Variants in ELK4 observed in about 807,000 individuals in gnomAD.
The protein encoded by ELK4 is ETS transcription factor ELK4.
Under a neutral mutation model 29.6 loss-of-function variants are expected in ELK4, and 16 were observed. The ratio of observed to expected loss-of-function variants is 0.54; its 90% CI spans 0.37 to 0.82. The LOEUF (loss-of-function observed/expected upper bound fraction) is 0.82, where lower values mean the gene tolerates loss of function less well. ELK4 is among the 40% of genes least tolerant of loss of function. ELK4 has a pLI of 0.00. For missense variants in ELK4, 465 were observed against 507.1 expected (o/e 0.92, Z 0.80); for synonymous variants, 213 against 191.1 (o/e 1.11, Z -0.95).
rs1225210977 is a variant in ELK4, at chr1:205,631,658, G to A, written c.-36C>T. The A allele has an allele frequency of 5.9e-6, 2 of 337,606 alleles. No homozygotes were observed. Among genetic ancestry groups the A allele is most frequent in the South Asian group, 2.0e-5 (1 of 50,210 alleles). The allele number at this position is 337,606 out of a possible 1,614,324, so 20.9% of individuals were successfully genotyped here. ...GACGCCGCGCGCGGGGCTCCCCCTC[G>A]GTCTCCGCCTCGAACACGATGCGCC... On this transcript the variant is annotated 5_prime_UTR_variant, in exon 1 of 5. Coordinates refer to ENST00000357992, the MANE Select transcript of ELK4 (RefSeq NM_001973.4).
chr1:205,614,119 G>GA lies in ELK4; in HGVS notation c.*2426dup, dbSNP rs1275459404. The GA allele has an allele frequency of 4.5e-6, 1 of 222,916 alleles. No homozygotes were observed. Among genetic ancestry groups the GA allele is most frequent in the Non-Finnish European group, 9.0e-6 (1 of 111,598 alleles). 13.8% of individuals were successfully genotyped at this position (222,916 alleles called of 1,614,324 possible). The stretch of plus-strand genomic sequence containing the variant: ...AAGAGATAGCAGATCACCAATCTGT[G>GA]ACAGCCTCACACCTCTGAGAGGCTA... On this transcript the variant is annotated 3_prime_UTR_variant, in exon 5 of 5. Transcript: ENST00000357992.
intron 1 of ELK4, among the ~76,000 whole-genome samples, chr1:205,626,809 A>C (rs1039616412): frequency 6.6e-6 from 1 of 152,354 alleles, no homozygotes; most frequent in South Asian, 2.1e-4. Flanking sequence ...GTATATACCC[A>C]AAAGAAATGA....
chr1:205,628,863 G>T (rs1164113324), intron 1 of ELK4, among the ~76,000 whole-genome samples: 1 of 111,518 alleles, frequency 9.0e-6, no homozygotes, highest in Admixed American at 1.1e-4. Context: ...ATAGAAGGTT[G>T]AGGACAGTAA....
chr1:205,631,442 T>TGCGGCGTCCACCTGTGCGCC (rs1258244548), intron 1 of ELK4, among the ~76,000 whole-genome samples, 190 bp downstream of exon 1: 6 of 151,112 alleles, frequency 4.0e-5, no homozygotes, highest in East Asian at 2.0e-4. Flanking sequence ...AGCGGTGCGC[T>TGCGGCGTCCACCTGTGCGCC]GCGGCGTCCA....
intron 4 of ELK4, among the ~76,000 whole-genome samples, chr1:205,618,737 C>T (rs1438796115): frequency 6.6e-6 from 1 of 152,122 alleles, no homozygotes; most frequent in Non-Finnish European, 1.5e-5. Context: ...GCAGGAGAAT[C>T]GCTTGAACCT....
chr1:205,616,272 A>G lies in ELK4; in HGVS notation c.*274T>C. On this transcript the variant is annotated 3_prime_UTR_variant, in exon 5 of 5. Coordinates refer to ENST00000357992, the MANE Select transcript of ELK4 (RefSeq NM_001973.4). ...TCAGCACAAAGCTCAAAATATTTTTAAAGGAGAAAAGAAAAGGAAGGAAGG... is the reference window on the plus strand; with the variant it reads ...TCAGCACAAAGCTCAAAATATTTTTGAAGGAGAAAAGAAAAGGAAGGAAGG... The G allele has an allele frequency of 3.0e-6, 1 of 337,274 alleles. No individual in the cohort carries two copies. 20.9% of individuals were successfully genotyped at this position (337,274 alleles called of 1,614,324 possible). A position where few individuals can be genotyped will look rare whatever the true frequency, so the allele number is the denominator to read the frequency against.
intron 1 of ELK4, among the ~76,000 whole-genome samples, chr1:205,631,206 G>A (rs1670577548): frequency 6.6e-6 from 1 of 152,220 alleles, no homozygotes; most frequent in East Asian, 1.9e-4. Context: ...CTAGGGGAGA[G>A]GAAGAAACGC....
chr1:205,617,221 C>CT (rs1051141702), intron 4 of ELK4, among the ~76,000 whole-genome samples: 1 of 152,024 alleles, frequency 6.6e-6, no homozygotes, highest in Non-Finnish European at 1.5e-5. Context: ...AAATTCTCAA[C>CT]TTTTTTTTCT....
In ELK4 at chr1:205,610,406, G is replaced by C. The variant is rs900013085; in HGVS notation, c.*6140C>G. 1 of 230,526 alleles carries C rather than the reference G, an allele frequency of 4.3e-6. No individual in the cohort carries two copies. The allele number at this position is 230,526 out of a possible 1,614,324, so 14.3% of individuals were successfully genotyped here. On this transcript the variant is annotated 3_prime_UTR_variant, in exon 5 of 5. Transcript: ENST00000357992. ...CCACTACTGTATTCAATCCATGGTCGAATCTCTGTACTTTAGAAATACTGC... is the reference window on the plus strand; with the variant it reads ...CCACTACTGTATTCAATCCATGGTCCAATCTCTGTACTTTAGAAATACTGC...
Position 205,611,603 on chromosome 1 carries a change from C to T in ELK4, c.*4943G>A, listed in dbSNP as rs75371492. 2.5e-3 allele frequency: 512 copies of T among 201,782 alleles called. 5 individuals carry two copies. The highest frequency in any genetic ancestry group is 0.011 in the African/African-American group (489 of 43,726). The allele number at this position is 201,782 out of a possible 1,614,324, so 12.5% of individuals were successfully genotyped here. A position where few individuals can be genotyped will look rare whatever the true frequency, so the allele number is the denominator to read the frequency against. On this transcript the variant is annotated 3_prime_UTR_variant, in exon 5 of 5. Coordinates refer to ENST00000357992, the MANE Select transcript of ELK4 (RefSeq NM_001973.4). ...AACTATGGCTGACCTCCACACTTCA[C>T]TTACACTACTATGGACTGAACAATT...
Position 205,620,445 on chromosome 1 carries a change from C to G in ELK4, c.601G>C (p.Val201Leu). 6.2e-7 allele frequency: 1 copy of G among 1,614,142 alleles called. No homozygotes were observed. Among genetic ancestry groups the G allele is most frequent in the Admixed American group, 1.7e-5 (1 of 60,014 alleles). The change falls in exon 3 of 5, where the codon GTT becomes CTT. Residue 201 changes from valine to leucine, a missense_variant. By Grantham distance (32) the Val-to-Leu change is conservative (BLOSUM62 1). Transcript: ENST00000357992. ...FVTTPSKKPPVEPVAATISIG... is the reference protein window; with the variant it reads ...FVTTPSKKPPLEPVAATISIG... ...GAAATGGTGGCAGCAACAGGTTCAACCGGTGGCTTTTTGGAAGGTGTCGTG... is the reference window on the plus strand; with the variant it reads ...GAAATGGTGGCAGCAACAGGTTCAAGCGGTGGCTTTTTGGAAGGTGTCGTG...
At chr1:205,630,133 C>T (rs7416757) in intron 1 of ELK4, among the ~76,000 whole-genome samples, 1 of 151,656 alleles carries the variant, frequency 6.6e-6, no homozygotes, top group South Asian at 2.1e-4. Context: ...GATTTTCCTT[C>T]TTACAGGAAT....
In ELK4 at chr1:205,620,822, AC is replaced by A. The variant is rs1293885177; in HGVS notation, c.223del (p.Val75Ter). 1 of 1,608,202 alleles carries A rather than the reference AC, an allele frequency of 6.2e-7. No individual in the cohort carries two copies. On this transcript the variant is annotated frameshift_variant, in exon 3 of 5. Coordinates refer to ENST00000357992, the MANE Select transcript of ELK4 (RefSeq NM_001973.4). LOFTEE classifies it high-confidence loss of function. ...YYYVKNIIKKVNGQKFVYKFV... is the reference protein window; with the variant it reads ...YYYVKNIIKKXNGQKFVYKFV... ...CTTGTACACAAACTTCTGACCATTC[AC>A]TTTTTTGATGATATTCTGTAGGTTA...
chr1:205,624,943 TA>T (rs1670424149), intron 1 of ELK4, among the ~76,000 whole-genome samples: 1 of 152,210 alleles, frequency 6.6e-6, no homozygotes, highest in Admixed American at 6.5e-5. Flanking sequence ...AACACCTTTC[TA>T]TTAGGAAGAA....
At chr1:205,623,652 G>A in intron 2 of ELK4, 24 bp downstream of exon 2, 1 of 1,611,560 alleles carries the variant, frequency 6.2e-7, no homozygotes, top group Non-Finnish European at 8.5e-7. Flanking sequence ...TCTCTGTATA[G>A]TATAAGATCA....
At position 205,620,391 on chromosome 1, in the gene ELK4, C is replaced by G; in HGVS notation, c.655G>C (p.Glu219Gln). The change falls in exon 3 of 5, where the codon GAA (glutamate) becomes CAA (glutamine). Residue 219 changes from glutamate to glutamine, a missense_variant. This residue lies in a region of ELK4 where 385 missense variants were observed against 387.5 expected (regional missense o/e 0.99). Transcript: ENST00000357992. ...SIGPSISPSS[E>Q]ETIQALETLV... The stretch of plus-strand genomic sequence containing the variant: ...GTCTCCAAAGCTTGGATAGTTTCTT[C>G]TGAAGATGGAGAAATACTTGGGCCA... 3 of 1,614,180 alleles carry G rather than the reference C, an allele frequency of 1.9e-6. No individual in the cohort carries two copies. Among genetic ancestry groups the G allele is most frequent in the Non-Finnish European group, 2.5e-6 (3 of 1,180,032 alleles).
At chr1:205,624,807 A>G (rs1339123573) in intron 1 of ELK4, among the ~76,000 whole-genome samples, 1 of 152,300 alleles carries the variant, frequency 6.6e-6, no homozygotes, top group Non-Finnish European at 1.5e-5. Flanking sequence ...ACCATCAAAA[A>G]TATCTCCAGA....
chr1:205,631,965 C>T lies in ELK4; in HGVS notation c.-343G>A, dbSNP rs951013634. On this transcript the variant is annotated 5_prime_UTR_variant, in exon 1 of 5. Coordinates refer to ENST00000357992, the MANE Select transcript of ELK4 (RefSeq NM_001973.4). The stretch of plus-strand genomic sequence containing the variant: ...CCTGCCAGGCCCTCCGCGGCCGCCG[C>T]CACTCTCAAACCCCCCGACTGCTCC... The T allele has an allele frequency of 1.3e-5, 2 of 151,480 alleles. No homozygotes were observed. The highest frequency in any genetic ancestry group is 3.0e-5 in the Non-Finnish European group (2 of 67,668). 9.4% of individuals were successfully genotyped at this position (151,480 alleles called of 1,614,324 possible).
chr1:205,625,661 G>C (rs1670439353), intron 1 of ELK4: 2 of 872,310 alleles, frequency 2.3e-6, no homozygotes, highest in Non-Finnish European at 3.8e-6. Context: ...CAGCTGGTCA[G>C]TTCTGCTGCT....
Sources: allele counts gnomAD v4.1 joint callset (sites outside exome capture counted in the v4.1 genomes callset), GRCh38; gene constraint gnomAD v4.1.1; regional missense constraint gnomAD v4.1.1; transcripts MANE v1.5; gene names NCBI Gene and HGNC (gene_info 2026-07-23, HGNC 2026-07-21).